Variants in LMNTD1 observed in about 807,000 individuals in gnomAD.
LMNTD1 encodes the protein lamin tail domain-containing protein 1.
A neutral mutation model predicts 50.9 loss-of-function variants in LMNTD1; 35 were observed. The ratio of observed to expected loss-of-function variants is 0.69; its 90% CI spans 0.53 to 0.91. The LOEUF is 0.91. Among genes scored for constraint, LMNTD1 ranks in the 40% least tolerant of loss-of-function variants. The pLI, the probability that LMNTD1 is intolerant of heterozygous loss-of-function variation, is 0.00. For missense variants in LMNTD1, 470 were observed against 475.5 expected, an observed-to-expected ratio of 0.99 and a Z score of 0.11; for synonymous variants, 153 against 161.9, an observed-to-expected ratio of 0.94 and a Z score of 0.42.
chr12:25,514,489 A>G (rs898282510), intron 8 of LMNTD1, among the ~76,000 whole-genome samples: 1 of 151,876 alleles, frequency 6.6e-6, no homozygotes, highest in Admixed American at 6.6e-5. Context: ...GAGTAGAAGG[A>G]TGGTTGCCAG....
At chr12:25,579,198 G>A (rs990354490) in intron 1 of LMNTD1, among the ~76,000 whole-genome samples, 1 of 152,078 alleles carries the variant, frequency 6.6e-6, no homozygotes, top group African/African-American at 2.4e-5. Flanking sequence ...TGCTTCTGTG[G>A]ATTCACCCAA....
chr12:25,499,608 T>G (rs892526233), intron 9 of LMNTD1, among the ~76,000 whole-genome samples: 6 of 152,170 alleles, frequency 3.9e-5, no homozygotes, highest in Non-Finnish European at 7.4e-5. Flanking sequence ...CTGACCCATT[T>G]TTAAATGTTC....
At chr12:25,647,666 G>C (rs899536435) in intron 1 of LMNTD1, among the ~76,000 whole-genome samples, 3 of 152,048 alleles carry the variant, frequency 2.0e-5, no homozygotes, top group Non-Finnish European at 4.4e-5. Context: ...TTTACCAGTT[G>C]AATAAATACA....
intron 1 of LMNTD1, among the ~76,000 whole-genome samples, chr12:25,635,252 GAA>G (rs61645838): frequency 3.1e-5 from 4 of 128,062 alleles, no homozygotes; most frequent in African/African-American, 1.2e-4. Flanking sequence ...AAAAAAAAAA[GAA>G]AAAAAAAAAA....
chr12:25,537,067 G>A (rs540896804), intron 4 of LMNTD1, among the ~76,000 whole-genome samples: 9 of 152,234 alleles, frequency 5.9e-5, no homozygotes, highest in East Asian at 3.9e-4. Flanking sequence ...CACCTGGCTC[G>A]GAGGGTCCTA....
At chr12:25,554,781 T>A (rs530652988), upstream of LMNTD1, among the ~76,000 whole-genome samples, 2 of 152,278 alleles carry the variant, frequency 1.3e-5, no homozygotes, top group African/African-American at 4.8e-5. Flanking sequence ...TACAATTATC[T>A]GGCCAGGCAC....
chr12:25,631,164 C>T (rs1946710642), intron 1 of LMNTD1, among the ~76,000 whole-genome samples: 1 of 152,146 alleles, frequency 6.6e-6, no homozygotes, highest in South Asian at 2.1e-4. Context: ...ACTCTGAGCT[C>T]AGACATGCCT....
chr12:25,556,538 C>T (rs558322067), upstream of LMNTD1, among the ~76,000 whole-genome samples: 3 of 152,252 alleles, frequency 2.0e-5, no homozygotes, highest in African/African-American at 7.2e-5. Context: ...CAGCTTCATC[C>T]TGCTTTTTCT....
At chr12:25,590,126 C>G (rs1945651473) in intron 1 of LMNTD1, among the ~76,000 whole-genome samples, 1 of 143,482 alleles carries the variant, frequency 7.0e-6, no homozygotes, top group African/African-American at 2.5e-5. Flanking sequence ...TTGGTTCTAA[C>G]TTCATATTGC....
At chr12:25,523,530 G>C (rs1941494173) in intron 6 of LMNTD1, among the ~76,000 whole-genome samples, 2 of 152,108 alleles carry the variant, frequency 1.3e-5, no homozygotes, top group Admixed American at 6.6e-5. Flanking sequence ...AGCAATTCCA[G>C]GGTCATGATG....
intron 1 of LMNTD1, among the ~76,000 whole-genome samples, chr12:25,617,404 C>G (rs957889373): frequency 9.9e-5 from 15 of 152,126 alleles, no homozygotes; most frequent in African/African-American, 3.6e-4. Flanking sequence ...AGGCAGGTGT[C>G]TACTGTAGAC....
intron 1 of LMNTD1, among the ~76,000 whole-genome samples, chr12:25,573,506 G>A (rs868046986): frequency 6.6e-6 from 1 of 152,116 alleles, no homozygotes; most frequent in Non-Finnish European, 1.5e-5. Flanking sequence ...AACGGACAGA[G>A]CCCTAAGTTG....
At chr12:25,477,698 G>A (rs1175467922) in intron 9 of LMNTD1, among the ~76,000 whole-genome samples, 1 of 152,100 alleles carries the variant, frequency 6.6e-6, no homozygotes, top group Non-Finnish European at 1.5e-5. Flanking sequence ...GTGATTTGTA[G>A]TTCTGCCTGG....
At chr12:25,643,355 G>C (rs2136630736) in intron 1 of LMNTD1, among the ~76,000 whole-genome samples, 1 of 152,210 alleles carries the variant, frequency 6.6e-6, no homozygotes, top group Admixed American at 6.5e-5. Context: ...CCCGACACCT[G>C]GTGGGTTTGA....
intron 4 of LMNTD1, among the ~76,000 whole-genome samples, chr12:25,540,825 C>T (rs1943013979): frequency 1.7e-5 from 2 of 116,414 alleles, no homozygotes; most frequent in Admixed American, 1.9e-4. Flanking sequence ...ATCTAGAAAA[C>T]CCCATTGTCT....
At chr12:25,590,629 T>TA (rs1945668795) in intron 1 of LMNTD1, among the ~76,000 whole-genome samples, 1 of 152,062 alleles carries the variant, frequency 6.6e-6, no homozygotes, top group South Asian at 2.1e-4. Flanking sequence ...GCTTGTGGCT[T>TA]AAAAACAGAC....
intron 1 of LMNTD1, among the ~76,000 whole-genome samples, chr12:25,589,267 A>G (rs918396703): frequency 5.9e-5 from 9 of 152,190 alleles, no homozygotes; most frequent in African/African-American, 2.2e-4. Flanking sequence ...AATGAATCTC[A>G]TAAACATGTT....
intron 1 of LMNTD1, among the ~76,000 whole-genome samples, chr12:25,647,669 T>C (rs1947103543): frequency 6.6e-6 from 1 of 152,202 alleles, no homozygotes; most frequent in African/African-American, 2.4e-5. Flanking sequence ...ACCAGTTGAA[T>C]AAATACATGA....
chr12:25,620,987 G>A (rs1362214929), intron 1 of LMNTD1, among the ~76,000 whole-genome samples: 2 of 152,166 alleles, frequency 1.3e-5, no homozygotes, highest in East Asian at 3.8e-4. Context: ...CTGGTAAGTG[G>A]CAGGGAAGAG....
Sources: gnomAD v4.1 joint callset for allele counts (sites outside exome capture counted in the v4.1 genomes callset) on GRCh38, gnomAD v4.1.1 for gene constraint, MANE v1.5 for transcripts, NCBI Gene and HGNC (gene_info 2026-07-23, HGNC 2026-07-21) for gene names.